TTC6: variants seen among roughly 807,000 people sequenced by gnomAD.
The protein encoded by TTC6 is tetratricopeptide repeat domain 6.
A neutral mutation model predicts 210.4 loss-of-function variants in TTC6; 172 were observed. The observed-to-expected ratio is 0.82, with a 90% CI of 0.72 to 0.93. TTC6 has a LOEUF of 0.93. Ranked by LOEUF, TTC6 falls within the 40% of genes least tolerant of loss-of-function variation. TTC6 has a pLI of 0.00. For synonymous variants in TTC6, 804 were observed against 819.6 expected (o/e 0.98, Z 0.32); for missense variants, 2,414 against 2,318.1 (o/e 1.04, Z -0.85).
intron 28 of TTC6, among the ~76,000 whole-genome samples, chr14:37,826,550 G>A (rs972897120): frequency 1.3e-5 from 2 of 151,934 alleles, no homozygotes; most frequent in Non-Finnish European, 2.9e-5. Context: ...AAACCCCAAA[G>A]TTCTGATAAA....
At chr14:37,783,278 T>G (rs892564312) in intron 14 of TTC6, among the ~76,000 whole-genome samples, 4 of 152,176 alleles carry the variant, frequency 2.6e-5, no homozygotes, top group African/African-American at 9.7e-5. Context: ...TTTGGTTTGG[T>G]AGGTTCTTAA....
At chr14:37,625,489 A>G (rs1254319659) in intron 1 of TTC6, among the ~76,000 whole-genome samples, 3 of 151,690 alleles carry the variant, frequency 2.0e-5, no homozygotes, top group Admixed American at 2.0e-4. Flanking sequence ...CGGAGGTTGC[A>G]GTGAGCCTAG....
intron 1 of TTC6, among the ~76,000 whole-genome samples, chr14:37,654,523 G>A (rs917195746): frequency 1.2e-4 from 19 of 152,008 alleles, no homozygotes; most frequent in African/African-American, 3.9e-4. Context: ...AGCAGATGCC[G>A]CTATGCTTCC....
chr14:37,794,332 C>T (rs540849461), intron 17 of TTC6, among the ~76,000 whole-genome samples: 1 of 152,274 alleles, frequency 6.6e-6, no homozygotes, highest in Admixed American at 6.5e-5. Context: ...TTCCTCCAAA[C>T]ATTTATACCA....
rs2095608595 is a variant in TTC6 at position 37,598,377 on chromosome 14, G to T, written c.-235+2369G>T. On this transcript the variant is annotated intron_variant, in intron 1 of 2. Coordinates refer to the TTC6 transcript ENST00000556845. This position sits in a 1 kb window ranked among gnomAD's most constrained non-coding sequence, Gnocchi z 4.9. The stretch of plus-strand genomic sequence containing the variant: ...GGGGAGGGCGGGCTCCTCAAGTGGG[G>T]GATCCGCGGCAGTGAGGACTGTAGG... Among the ~76,000 whole-genome samples the T allele has an allele frequency of 6.6e-6, 1 of 152,180 alleles. No homozygotes were observed. The highest frequency in any genetic ancestry group is 1.5e-5 in the Non-Finnish European group (1 of 68,018).
chr14:37,811,564 T>C (rs1027105048), intron 24 of TTC6, among the ~76,000 whole-genome samples: 22 of 152,138 alleles, frequency 1.4e-4, no homozygotes, highest in African/African-American at 5.3e-4. Flanking sequence ...AGGAAAATGA[T>C]TTAAGAGATT....
exon 20 of TTC6, chr14:37,796,943 C>T: frequency 6.3e-7 from 1 of 1,593,900 alleles, no homozygotes; most frequent in East Asian, 2.3e-5. Context: ...GCCAAGAGAA[C>T]CAAGGTGAAA....
intron 1 of TTC6, among the ~76,000 whole-genome samples, chr14:37,626,388 C>T (rs1040148244): frequency 6.6e-6 from 1 of 152,058 alleles, no homozygotes; most frequent in South Asian, 2.1e-4. Context: ...TTAATATGAC[C>T]TAGATAAGAG....
chr14:37,839,505 C>T (rs1032914819), intron 29 of TTC6, among the ~76,000 whole-genome samples: 10 of 151,940 alleles, frequency 6.6e-5, no homozygotes, highest in Admixed American at 6.6e-4. Context: ...TTGTTTTTTT[C>T]TTGTAAATGT....
At chr14:37,694,563 C>G (rs1039403853) in intron 3 of TTC6, among the ~76,000 whole-genome samples, 6 of 152,154 alleles carry the variant, frequency 3.9e-5, no homozygotes, top group African/African-American at 1.4e-4. Flanking sequence ...ATACAGCAAT[C>G]CCGCTGCTGG....
At chr14:37,727,939 A>C (rs965208611) in intron 7 of TTC6, among the ~76,000 whole-genome samples, 1 of 152,144 alleles carries the variant, frequency 6.6e-6, no homozygotes, top group Non-Finnish European at 1.5e-5. Context: ...CTCTCAGTTA[A>C]TTCAGTGGTA....
At chr14:37,776,465 C>T (rs2096037920) in intron 14 of TTC6, among the ~76,000 whole-genome samples, 2 of 152,154 alleles carry the variant, frequency 1.3e-5, no homozygotes, top group South Asian at 2.1e-4. Flanking sequence ...TCTTTCCTTT[C>T]CATATTTAGC....
intron 20 of TTC6, among the ~76,000 whole-genome samples, chr14:37,801,138 C>A (rs2096105685): frequency 6.6e-6 from 1 of 152,182 alleles, no homozygotes; most frequent in Non-Finnish European, 1.5e-5. Flanking sequence ...CTATGCCTGT[C>A]ACCCATTGTA....
At chr14:37,804,138 T>G (rs2096113130) in intron 20 of TTC6, among the ~76,000 whole-genome samples, 1 of 152,184 alleles carries the variant, frequency 6.6e-6, no homozygotes, top group East Asian at 1.9e-4. Context: ...TTTTCATTAA[T>G]GAGACTTTTG....
chr14:37,636,252 G>A (rs546101651), intron 1 of TTC6, among the ~76,000 whole-genome samples: 1 of 152,178 alleles, frequency 6.6e-6, no homozygotes, highest in East Asian at 1.9e-4. Flanking sequence ...AGAACTCAAG[G>A]ACCCTATCAG....
At chr14:37,830,814 ATAC>A (rs1201601055) in intron 29 of TTC6, among the ~76,000 whole-genome samples, 2 of 151,916 alleles carry the variant, frequency 1.3e-5, no homozygotes, top group Non-Finnish European at 2.9e-5. Context: ...TTATTGATAC[ATAC>A]TAATTGTACA....
intron 15 of TTC6, among the ~76,000 whole-genome samples, chr14:37,788,779 T>C (rs2096073193): frequency 6.6e-6 from 1 of 152,168 alleles, no homozygotes; most frequent in Non-Finnish European, 1.5e-5. Context: ...TGTTACTGAA[T>C]GCTTTAGGGT....
intron 25 of TTC6, among the ~76,000 whole-genome samples, chr14:37,815,459 G>C (rs939252834): frequency 4.6e-5 from 7 of 152,102 alleles, no homozygotes; most frequent in African/African-American, 1.4e-4. Flanking sequence ...TTCACAATAG[G>C]GTTTGCACTC....
chr14:37,841,436 A>G lies in TTC6; in HGVS notation c.5299-9A>G, dbSNP rs1243454284. On this transcript the variant is annotated splice_polypyrimidine_tract_variant and intron_variant, in intron 29 of 30. Transcript: ENST00000553443. ...AATTAAAATATATCATTATCTTCAT[A>G]TTTTGTAGGCCAGTGACTACTTCTC... 3 of 1,579,484 alleles carry G rather than the reference A, an allele frequency of 1.9e-6. No individual in the cohort carries two copies. The Admixed American group carries it at 6.0e-5, about 32-fold the overall frequency.
Sources: gnomAD v4.1 joint callset for allele counts (sites outside exome capture counted in the v4.1 genomes callset) on GRCh38, gnomAD v4.1.1 for gene constraint, Gnocchi (gnomAD v3.1) non-coding constraint, MANE v1.5 for transcripts, NCBI Gene and HGNC (gene_info 2026-07-23, HGNC 2026-07-21) for gene names.